ZNF488: variants seen among roughly 807,000 people sequenced by gnomAD.
ZNF488 encodes the protein zinc finger protein 488.
ZNF488 carries 1 observed loss-of-function variant against 1.2 expected under a neutral mutation model. That is an observed-to-expected ratio of 0.86 (90% CI 0.30 to 4.07). ZNF488 has a LOEUF of 4.07. Ranked by LOEUF, ZNF488 falls within the 30% of genes most tolerant of loss-of-function variation. The pLI is 0.18. For synonymous variants in ZNF488, 185 were observed against 190.1 expected, an observed-to-expected ratio of 0.97 and a Z score of 0.22; for missense variants, 450 against 437.9, an observed-to-expected ratio of 1.03 and a Z score of -0.25.
chr10:47,382,733 TTCA>T (rs1256826251), intron 1 of ZNF488, among the ~76,000 whole-genome samples: 1 of 152,264 alleles, frequency 6.6e-6, no homozygotes, highest in African/African-American at 2.4e-5. Flanking sequence ...GCAATGCACC[TTCA>T]TCATACTTAA....
Position 47,367,838 on chromosome 10 carries a change from T to C in ZNF488, c.992A>G (p.His331Arg). ...GTGAGAAGTCATGTGCCGGGAGAGG[T>C]GGTGGCGCTCCCGGAAGTGCTCCTG... ...VCQEHFRERH[H>R]LSRHMTSHS Residue 331 changes from histidine to arginine, a missense_variant, in exon 2 of 2, where the codon CAC (histidine) becomes CGC (arginine). By Grantham distance (29) the His-to-Arg change is conservative. Transcript: ENST00000585316. The C allele has an allele frequency of 1.9e-6, 3 of 1,612,374 alleles. No homozygotes were observed. The highest frequency in any genetic ancestry group is 2.5e-6 in the Non-Finnish European group (3 of 1,179,610).
Position 47,368,279 on chromosome 10 carries a change from T to G in ZNF488, c.551A>C (p.Glu184Ala), listed in dbSNP as rs782078943. ...CAGCTCCCCCAGGGCATCTGCAGAT[T>G]CCCCTGCAGGGAAGACTGAGGTTAG... ...PELTSVFPAG[E>A]SADALGELSG... Residue 184 changes from glutamate to alanine, a missense_variant, in exon 2 of 2, where the codon GAA becomes GCA. Physicochemically the swap from Glu to Ala is moderately radical, Grantham distance 107. Coordinates refer to ENST00000585316, the MANE Select transcript of ZNF488 (RefSeq NM_153034.4). 6.2e-7 allele frequency: 1 copy of G among 1,614,066 alleles called. No homozygotes were observed. Among genetic ancestry groups the G allele is most frequent in the East Asian group, 2.2e-5 (1 of 44,882 alleles).
intron 1 of ZNF488, among the ~76,000 whole-genome samples, chr10:47,377,558 C>G (rs1264326102): frequency 6.6e-6 from 1 of 151,938 alleles, no homozygotes; most frequent in Non-Finnish European, 1.5e-5. Flanking sequence ...GACACTCACA[C>G]ACACACACAG....
intron 1 of ZNF488, among the ~76,000 whole-genome samples, chr10:47,374,067 A>G (rs6587052): frequency 0.32 from 49,228 of 152,106 alleles, 8,405 homozygotes; most frequent in East Asian, 0.51. Flanking sequence ...AAAAGCTAAG[A>G]TGCTCGGGTA....
intron 1 of ZNF488, among the ~76,000 whole-genome samples, chr10:47,372,113 A>G (rs1410852775): frequency 6.6e-6 from 1 of 152,222 alleles, no homozygotes; most frequent in Non-Finnish European, 1.5e-5. Flanking sequence ...AGCACCTACT[A>G]TGTGCCAGGC....
At chr10:47,379,304 C>T (rs547315396) in intron 1 of ZNF488, among the ~76,000 whole-genome samples, 1 of 152,328 alleles carries the variant, frequency 6.6e-6, no homozygotes, top group East Asian at 1.9e-4. Flanking sequence ...TCCAATCTGC[C>T]AAATGCCATC....
rs1837290098 is a variant in ZNF488 at position 47,368,084 on chromosome 10, G to T, written c.746C>A (p.Pro249His). Reference protein sequence around the residue: ...LWLEHTQAQVPPPSSSSTTSW... With the variant: ...LWLEHTQAQVHPPSSSSTTSW... ...AGTGGTGGAGGATGATGAGGGTGGG[G>T]GCACCTGGGCCTGGGTATGCTCCAG... Residue 249 changes from proline (P) to histidine (H), a missense_variant, in exon 2 of 2, where the codon CCC (proline) becomes CAC (histidine). Transcript: ENST00000585316. 6.2e-7 allele frequency: 1 copy of T among 1,614,048 alleles called. No individual in the cohort carries two copies.
intron 1 of ZNF488, among the ~76,000 whole-genome samples, 178 bp from the exon 2 acceptor site, chr10:47,369,115 G>C (rs1381173207): frequency 6.6e-6 from 1 of 152,202 alleles, no homozygotes; most frequent in Non-Finnish European, 1.5e-5. Context: ...CCATCCTCCA[G>C]GGCCCACCTC....
intron 1 of ZNF488, among the ~76,000 whole-genome samples, chr10:47,379,128 A>C (rs572141159): frequency 5.3e-5 from 8 of 152,242 alleles, no homozygotes; most frequent in African/African-American, 1.9e-4. Context: ...AACATTTGCT[A>C]TCAGGATGCT....
chr10:47,374,112 G>T (rs1555214141), intron 1 of ZNF488, among the ~76,000 whole-genome samples: 1 of 152,166 alleles, frequency 6.6e-6, no homozygotes, highest in African/African-American at 2.4e-5. Context: ...GATGGCCTTG[G>T]GCAGGTCCTT....
intron 1 of ZNF488, among the ~76,000 whole-genome samples, chr10:47,371,456 T>A (rs149264496): frequency 1.1e-4 from 17 of 152,136 alleles, no homozygotes; most frequent in Admixed American, 3.3e-4. Flanking sequence ...ACATACACCA[T>A]ATAACATATA....
intron 1 of ZNF488, among the ~76,000 whole-genome samples, chr10:47,375,398 G>GT (rs1323417640): frequency 2.6e-5 from 4 of 152,168 alleles, no homozygotes; most frequent in African/African-American, 9.7e-5. Context: ...CAGGGATATC[G>GT]TGAGTGGCCA....
In ZNF488 at chr10:47,368,272, T is replaced by C. The variant is rs925176700; in HGVS notation, c.558A>G (p.Ala186=). 1 of 1,614,244 alleles carries C rather than the reference T, an allele frequency of 6.2e-7. No homozygotes were observed. The change falls in exon 2 of 2, where the codon GCA becomes GCG. Residue 186 remains alanine, a synonymous_variant. Coordinates refer to ENST00000585316, the MANE Select transcript of ZNF488 (RefSeq NM_153034.4). ...LTSVFPAGES[A]DALGELSGLL... is the part of the protein sequence containing the mutation. ...GTCCAGACAGCTCCCCCAGGGCATCTGCAGATTCCCCTGCAGGGAAGACTG... is the reference window on the plus strand; with the variant it reads ...GTCCAGACAGCTCCCCCAGGGCATCCGCAGATTCCCCTGCAGGGAAGACTG...
intron 1 of ZNF488, among the ~76,000 whole-genome samples, chr10:47,381,604 C>A (rs980722234): frequency 2.6e-5 from 4 of 152,282 alleles, no homozygotes. Flanking sequence ...ACGCCTGGAC[C>A]CCTCTAGCAG....
intron 1 of ZNF488, among the ~76,000 whole-genome samples, chr10:47,371,702 C>T (rs555363932): frequency 2.6e-5 from 4 of 152,146 alleles, no homozygotes; most frequent in South Asian, 2.1e-4. Flanking sequence ...GGGATTCTCA[C>T]GGCCCAGTGG....
Position 47,368,904 on chromosome 10 carries a change from T to C in ZNF488, c.-75A>G. The C allele has an allele frequency of 6.6e-7, 1 of 1,507,710 alleles. No individual in the cohort carries two copies. Among genetic ancestry groups the C allele is most frequent in the Non-Finnish European group, 8.9e-7 (1 of 1,126,794 alleles). 93.4% of individuals were successfully genotyped at this position (1,507,710 alleles called of 1,614,324 possible). A position where few individuals can be genotyped will look rare whatever the true frequency, so the allele number is the denominator to read the frequency against. On this transcript the variant is annotated 5_prime_UTR_variant, in exon 2 of 2. It removes an upstream start codon present in the reference 5' UTR. Coordinates refer to ENST00000585316, the MANE Select transcript of ZNF488 (RefSeq NM_153034.4). ...AGCCATGAGATATGGAAGCTCCCCA[T>C]GACACTGGGCTGGACACACTCGGCC...
At chr10:47,381,573 C>G (rs550243574) in intron 1 of ZNF488, among the ~76,000 whole-genome samples, 1 of 152,422 alleles carries the variant, frequency 6.6e-6, no homozygotes, top group East Asian at 1.9e-4. Flanking sequence ...TGGTCAGCCC[C>G]TACAGGCTCT....
intron 1 of ZNF488, among the ~76,000 whole-genome samples, chr10:47,382,419 AAT>A (rs1333100347): frequency 6.6e-6 from 1 of 151,836 alleles, no homozygotes; most frequent in Non-Finnish European, 1.5e-5. Context: ...TAAGTTTAAA[AAT>A]ATTTAAGTTT....
Position 47,368,389 on chromosome 10 carries a change from G to A in ZNF488, c.441C>T (p.Val147=), listed in dbSNP as rs1174323059. 3 of 1,614,192 alleles carry A rather than the reference G, an allele frequency of 1.9e-6. No individual in the cohort carries two copies. The highest frequency in any genetic ancestry group is 2.5e-6 in the Non-Finnish European group (3 of 1,180,036). Residue 147 remains valine (V), a synonymous_variant, in exon 2 of 2, where the codon GTC becomes GTT. Coordinates refer to ENST00000585316, the MANE Select transcript of ZNF488 (RefSeq NM_153034.4). ...NIPRGPAGSK[V]FSVWPSGARS... is the part of the protein sequence containing the mutation. ...GTGCTCCGCTGGGCCACACAGAGAAGACTTTGCTGCCAGCTGGGCCTCTGG... is the reference window on the plus strand; with the variant it reads ...GTGCTCCGCTGGGCCACACAGAGAAAACTTTGCTGCCAGCTGGGCCTCTGG...
Sources: gnomAD v4.1 joint callset for allele counts (sites outside exome capture counted in the v4.1 genomes callset) on GRCh38, gnomAD v4.1.1 for gene constraint, MANE v1.5 for transcripts, NCBI Gene and HGNC (gene_info 2026-07-23, HGNC 2026-07-21) for gene names.